MLF1: variants seen among roughly 807,000 people sequenced by gnomAD.
MLF1 encodes the protein myeloid leukemia factor 1.
MLF1 carries 37 observed loss-of-function variants against 38.3 expected under a neutral mutation model. The ratio of observed to expected loss-of-function variants is 0.96; its 90% CI spans 0.74 to 1.27. The LOEUF is 1.27. Ranked by LOEUF, MLF1 falls within the 50% of genes most tolerant of loss-of-function variation. The pLI, the probability that MLF1 is intolerant of heterozygous loss-of-function variation, is 0.00. For missense variants in MLF1, 331 were observed against 349.2 expected (o/e 0.95, Z 0.42); for synonymous variants, 95 against 106.5 (o/e 0.89, Z 0.66).
At chr3:158,591,839 T>C (rs1339684281) in intron 1 of MLF1, among the ~76,000 whole-genome samples, 1 of 129,682 alleles carries the variant, frequency 7.7e-6, no homozygotes. Flanking sequence ...ATGGGATAAA[T>C]AAAGATGTTT....
chr3:158,590,912 C>T (rs531330329), intron 1 of MLF1: 52 of 412,458 alleles, frequency 1.3e-4, no homozygotes, highest in Non-Finnish European at 2.0e-4. Flanking sequence ...TCTGTCTATA[C>T]ATACAAGCAC....
chr3:158,603,014 T>A, intron 7 of MLF1, 75 bp downstream of exon 7: 6 of 1,367,238 alleles, frequency 4.4e-6, no homozygotes, highest in Non-Finnish European at 6.0e-6. Context: ...ACTTCTGTTA[T>A]CAGAAAGTTT....
intron 1 of MLF1, chr3:158,590,835 A>G (rs901157683): frequency 2.2e-6 from 1 of 449,336 alleles, no homozygotes; most frequent in African/African-American, 2.0e-5. Flanking sequence ...AATTCATCAA[A>G]CTGTACAACA....
chr3:158,601,519 A>G (rs1312511425), intron 6 of MLF1, among the ~76,000 whole-genome samples: 1 of 152,156 alleles, frequency 6.6e-6, no homozygotes, highest in South Asian at 2.1e-4. Context: ...GCAGTGAGCC[A>G]AGATCGAGCC....
intron 1 of MLF1, among the ~76,000 whole-genome samples, chr3:158,580,890 G>T (rs959327527): frequency 3.3e-5 from 5 of 152,110 alleles, no homozygotes; most frequent in Admixed American, 1.3e-4. Flanking sequence ...GGTCAAAGCT[G>T]CAGTGAGCCA....
At chr3:158,592,050 A>G (rs1718230050) in intron 1 of MLF1, among the ~76,000 whole-genome samples, 1 of 152,224 alleles carries the variant, frequency 6.6e-6, no homozygotes, top group Admixed American at 6.5e-5. Flanking sequence ...ATTAGTTTAC[A>G]GTTGGGCAAC....
At chr3:158,575,235 CT>C (rs1241410551) in intron 1 of MLF1, among the ~76,000 whole-genome samples, 1 of 152,130 alleles carries the variant, frequency 6.6e-6, no homozygotes, top group Non-Finnish European at 1.5e-5. Flanking sequence ...TTGCAGTTAA[CT>C]TTTTTTAAGC....
chr3:158,571,517 G>A (rs1301966222), intron 1 of MLF1, 170 bp downstream of exon 1: 1 of 745,608 alleles, frequency 1.3e-6, no homozygotes, highest in African/African-American at 1.8e-5. Context: ...GAGAGAGGAG[G>A]ATTTAGGGGT....
chr3:158,600,550 A>G (rs577126672), intron 6 of MLF1, among the ~76,000 whole-genome samples: 2 of 147,490 alleles, frequency 1.4e-5, no homozygotes, highest in South Asian at 2.2e-4. Flanking sequence ...GTAATATTTT[A>G]ATGTATTTCT....
At chr3:158,586,125 T>A (rs892764289) in intron 1 of MLF1, among the ~76,000 whole-genome samples, 1 of 150,780 alleles carries the variant, frequency 6.6e-6, no homozygotes, top group Non-Finnish European at 1.5e-5. Context: ...GATTGCGCCA[T>A]TGCACTCCAG....
intron 1 of MLF1, among the ~76,000 whole-genome samples, chr3:158,584,031 T>C (rs1716824547): frequency 6.6e-6 from 1 of 152,032 alleles, no homozygotes; most frequent in South Asian, 2.1e-4. Flanking sequence ...GCTGGAGAGG[T>C]CTCAACAGTT....
chr3:158,604,029 A>G (rs1342978418), intron 7 of MLF1, among the ~76,000 whole-genome samples: 25 of 152,196 alleles, frequency 1.6e-4, no homozygotes, highest in Non-Finnish European at 5.9e-5. Context: ...AAATTGCTAC[A>G]GAAGGTGGAA....
At chr3:158,576,677 T>TC (rs1468633113) in intron 1 of MLF1, among the ~76,000 whole-genome samples, 2 of 150,544 alleles carry the variant, frequency 1.3e-5, no homozygotes, top group African/African-American at 4.9e-5. Context: ...CTTAATTTTT[T>TC]TTTTTTTTTT....
intron 1 of MLF1, among the ~76,000 whole-genome samples, chr3:158,573,835 C>T (rs150170455): frequency 4.2e-4 from 64 of 152,258 alleles, no homozygotes; most frequent in African/African-American, 1.5e-3. Context: ...GACAGGGTCT[C>T]ACTGTGTTGC....
Position 158,596,937 on chromosome 3 carries a change from A to G in MLF1, c.316A>G (p.Arg106Gly), listed in dbSNP as rs1275163840. Residue 106 changes from arginine (R) to glycine (G), a missense_variant, in exon 4 of 8, where the codon AGA (arginine) becomes GGA (glycine). Arg to Gly is a moderately radical substitution (Grantham distance 125, BLOSUM62 -2). Coordinates refer to ENST00000466246, the MANE Select transcript of MLF1 (RefSeq NM_001369783.1). Reference sequence around the variant, plus strand: ...GAGAAACTATATGCAGAAATTAGAAAGAAACTTCGTAAGTACTAAAAACAA... The same window carrying G: ...GAGAAACTATATGCAGAAATTAGAAGGAAACTTCGTAAGTACTAAAAACAA... ...NMRNYMQKLE[R>G]NFGQLSVDPN... is the part of the protein sequence containing the mutation. The G allele has an allele frequency of 6.3e-7, 1 of 1,598,938 alleles. No individual in the cohort carries two copies. The highest frequency in any genetic ancestry group is 8.6e-7 in the Non-Finnish European group (1 of 1,168,416).
rs149298058 is a variant in MLF1, at chr3:158,574,589, C to T, written c.47+3242C>T. On this transcript the variant is annotated intron_variant, in intron 1 of 7. Coordinates refer to ENST00000466246, the MANE Select transcript of MLF1 (RefSeq NM_001369783.1). Reference sequence around the variant, plus strand: ...CTCCCAACTACTTGGGAGGCTGAGACAGGAGAATCACTTGAACCCAGGAGG... The same window carrying T: ...CTCCCAACTACTTGGGAGGCTGAGATAGGAGAATCACTTGAACCCAGGAGG... 1.7e-3 allele frequency among the ~76,000 whole-genome samples: 250 copies of T among 146,768 alleles called. 1 individual carries two copies. Among genetic ancestry groups the T allele is most frequent in the African/African-American group, 5.8e-3 (229 of 39,258 alleles).
chr3:158,595,571 AAATATTCAG>A (rs780372316), intron 3 of MLF1, among the ~76,000 whole-genome samples: 1 of 152,186 alleles, frequency 6.6e-6, no homozygotes, highest in Non-Finnish European at 1.5e-5. Context: ...GTGTTAAAGC[AAATATTCAG>A]AATATTCCCT....
At chr3:158,592,602 CAGTT>C (rs34234841) in intron 2 of MLF1, 21 bp downstream of exon 2, 554,943 of 1,580,422 alleles carry the variant, frequency 0.35, 101,549 homozygotes, top group East Asian at 0.65. Context: ...TTTTTTAAGA[CAGTT>C]AGTGAGAAGG....
intron 6 of MLF1, among the ~76,000 whole-genome samples, chr3:158,600,538 T>C (rs1719594555): frequency 6.6e-6 from 1 of 151,242 alleles, no homozygotes; most frequent in African/African-American, 2.4e-5. Context: ...CTCAAAATAC[T>C]AGTAATATTT....
Sources: allele counts gnomAD v4.1 joint callset (sites outside exome capture counted in the v4.1 genomes callset), GRCh38; gene constraint gnomAD v4.1.1; transcripts MANE v1.5; gene names NCBI Gene and HGNC (gene_info 2026-07-23, HGNC 2026-07-21).